The following MSR1 variants were observed in gnomAD, a reference collection of about 807,000 sequenced individuals.
The protein encoded by MSR1 is macrophage scavenger receptor 1.
MSR1 carries 53 observed loss-of-function variants against 47.2 expected under a neutral mutation model. The ratio of observed to expected loss-of-function variants is 1.12; its 90% confidence interval spans 0.90 to 1.41. The LOEUF (loss-of-function observed/expected upper bound fraction) is 1.41, where lower values mean the gene tolerates loss of function less well. MSR1 is among the 40% of genes most tolerant of loss of function. The pLI is 0.00. For missense variants in MSR1, 786 were observed against 546.9 expected (o/e 1.44, Z -4.36); for synonymous variants, 239 against 185.6 (o/e 1.29, Z -2.34).
At chr8:16,166,173 T>C (rs1410758270) in intron 4 of MSR1, among the ~76,000 whole-genome samples, 1 of 140,496 alleles carries the variant, frequency 7.1e-6, no homozygotes, top group African/African-American at 2.6e-5. Flanking sequence ...TCTTTTTTTT[T>C]TTTTTTTTTT....
Position 16,143,607 on chromosome 8 carries a change from A to C in MSR1, c.984T>G (p.Asn328Lys), listed in dbSNP as rs1240721928. The C allele has an allele frequency of 1.9e-6, 3 of 1,612,082 alleles. No individual in the cohort carries two copies. Among genetic ancestry groups the C allele is most frequent in the South Asian group, 2.2e-5 (2 of 91,026 alleles). ...CCCCTTTCTGGCCTTTTGGTCCAGA[A>C]TTTCCTTGAGAAAAGAAGAAAAATA... ...GLPGYAGRPG[N>K]SGPKGQKGEK... is the part of the protein sequence containing the mutation. Residue 328 changes from asparagine (N) to lysine (K), a missense_variant, in exon 8 of 10, where the codon AAT becomes AAG. Coordinates refer to ENST00000262101, the MANE Select transcript of MSR1 (RefSeq NM_138715.3).
intron 4 of MSR1, among the ~76,000 whole-genome samples, chr8:16,165,460 T>C (rs1461924173): frequency 1.3e-5 from 2 of 152,146 alleles, no homozygotes; most frequent in Admixed American, 6.5e-5. Flanking sequence ...TCTTTCAGCA[T>C]TGGGCTTTTT....
At chr8:16,150,851 AACAC>A (rs3036816) in intron 6 of MSR1, among the ~76,000 whole-genome samples, 50,040 of 141,962 alleles carry the variant, frequency 0.35, 10,180 homozygotes, top group East Asian at 0.47. Flanking sequence ...CATAAACATA[AACAC>A]ACACACACAC....
At chr8:16,189,929 T>TTTC in intron 1 of MSR1, among the ~76,000 whole-genome samples, 1 of 147,894 alleles carries the variant, frequency 6.8e-6, no homozygotes, top group African/African-American at 2.5e-5. Context: ...TTTTTTTTTT[T>TTTC]TTTGAGATTG....
chr8:16,128,443 C>G (rs1048903583), intron 8 of MSR1, among the ~76,000 whole-genome samples: 12 of 151,974 alleles, frequency 7.9e-5, no homozygotes, highest in African/African-American at 2.9e-4. Context: ...CTCATGAAGT[C>G]ACAATGAGAA....
At chr8:16,112,147 G>C (rs351544) in intron 9 of MSR1, among the ~76,000 whole-genome samples, 1 of 152,054 alleles carries the variant, frequency 6.6e-6, no homozygotes, top group Admixed American at 6.6e-5. Flanking sequence ...GAGGACACAT[G>C]GATGTGACAA....
At chr8:16,147,214 C>T (rs1800723851) in intron 7 of MSR1, among the ~76,000 whole-genome samples, 1 of 152,146 alleles carries the variant, frequency 6.6e-6, no homozygotes, top group Non-Finnish European at 1.5e-5. Flanking sequence ...ATGGACTACT[C>T]TATAGATCTG....
At position 16,139,750 on chromosome 8, in the gene MSR1, AAAAAAAAAAAAAAAAAAAAAAAAAATAT is replaced by A. The variant is rs1167630869; in HGVS notation, c.1033+3780_1033+3807del. 32 of 124,334 alleles carry A rather than the reference AAAAAAAAAAAAAAAAAAAAAAAAAATAT, an allele frequency of 2.6e-4. 2 individuals are homozygous for A. In the African/African-American group the frequency reaches 3.7e-3, roughly 15 times the overall value. 7.7% of individuals were successfully genotyped at this position (124,334 alleles called of 1,614,324 possible). ...AGCTCGACTACACTTCAAAACTTAA[AAAAAAAAAAAAAAAAAAAAAAAAAATAT>A]ATATATATATATATATATATATATA... On this transcript the variant is annotated intron_variant, in intron 8 of 9. Transcript: ENST00000262101.
chr8:16,124,702 G>GT (rs1563141161), intron 8 of MSR1, among the ~76,000 whole-genome samples: 1 of 152,062 alleles, frequency 6.6e-6, no homozygotes, highest in Non-Finnish European at 1.5e-5. Flanking sequence ...CCAAACTGCA[G>GT]TAAACTTGTT....
chr8:16,190,128 C>T (rs758905694), intron 1 of MSR1, among the ~76,000 whole-genome samples: 9 of 151,908 alleles, frequency 5.9e-5, no homozygotes, highest in Admixed American at 6.6e-5. Flanking sequence ...AAACTCCTGA[C>T]CTCAGGTGAT....
At chr8:16,115,765 G>T (rs113953544) in intron 9 of MSR1, among the ~76,000 whole-genome samples, 59 of 152,108 alleles carry the variant, frequency 3.9e-4, no homozygotes, top group African/African-American at 1.4e-3. Flanking sequence ...ATTGCTTGAG[G>T]CTAGGAGTTT....
At chr8:16,163,206 A>G (rs969395679) in intron 5 of MSR1, among the ~76,000 whole-genome samples, 1 of 152,046 alleles carries the variant, frequency 6.6e-6, no homozygotes, top group East Asian at 1.9e-4. Context: ...AAGTGGCAAT[A>G]CAGCAAAGCA....
intron 9 of MSR1, among the ~76,000 whole-genome samples, chr8:16,112,943 G>T (rs201949613): frequency 0.1 from 9,239 of 88,100 alleles, 466 homozygotes; most frequent in African/African-American, 0.16. Flanking sequence ...TTTTTTTTAA[G>T]TTTTTTTTTT....
chr8:16,168,227 A>G (rs2117180892), intron 4 of MSR1, among the ~76,000 whole-genome samples: 1 of 152,326 alleles, frequency 6.6e-6, no homozygotes, highest in East Asian at 1.9e-4. Context: ...ATGTAAAGGG[A>G]GTCTATATTC....
chr8:16,182,742 G>A (rs1039825674), intron 1 of MSR1, among the ~76,000 whole-genome samples: 1 of 152,032 alleles, frequency 6.6e-6, no homozygotes, highest in African/African-American at 2.4e-5. Context: ...CATCTCCTAT[G>A]ATAACATTGC....
intron 4 of MSR1, among the ~76,000 whole-genome samples, chr8:16,166,223 T>G (rs1032546506): frequency 7.4e-6 from 1 of 135,008 alleles, no homozygotes; most frequent in Non-Finnish European, 1.5e-5. Flanking sequence ...CAGGCTGGAG[T>G]GCAATGGCAT....
intron 8 of MSR1, among the ~76,000 whole-genome samples, chr8:16,127,918 T>C (rs1800165472): frequency 6.6e-6 from 1 of 152,190 alleles, no homozygotes; most frequent in Non-Finnish European, 1.5e-5. Flanking sequence ...GTCATCCTGT[T>C]TGTCATTAAT....
intron 5 of MSR1, among the ~76,000 whole-genome samples, chr8:16,162,698 G>A (rs886584163): frequency 2.6e-5 from 4 of 152,010 alleles, no homozygotes; most frequent in African/African-American, 9.7e-5. Flanking sequence ...TATAACGTAT[G>A]CTGAAGAGAG....
intron 1 of MSR1, among the ~76,000 whole-genome samples, chr8:16,181,609 T>C (rs1012291640): frequency 2.0e-5 from 3 of 151,382 alleles, no homozygotes; most frequent in African/African-American, 7.3e-5. Flanking sequence ...TGAGAACACA[T>C]GGACCCAGGG....
Sources: allele counts gnomAD v4.1 joint callset (sites outside exome capture counted in the v4.1 genomes callset), GRCh38; gene constraint gnomAD v4.1.1; transcripts MANE v1.5; gene names NCBI Gene and HGNC (gene_info 2026-07-23, HGNC 2026-07-21).